BAIAP2: variants seen among roughly 807,000 people sequenced by gnomAD.
BAIAP2 encodes the protein BAR/IMD domain-containing adapter protein 2.
In BAIAP2, 18 loss-of-function variants were observed where a neutral mutation model predicts 63.0. That is an observed-to-expected ratio of 0.29 (90% CI 0.20 to 0.42). The LOEUF is 0.42. Among genes scored for constraint, BAIAP2 ranks in the 10% least tolerant of loss-of-function variants. The pLI is 1.00. For missense variants in BAIAP2, 610 were observed against 734.3 expected (o/e 0.83, Z 1.96); for synonymous variants, 386 against 307.6 (o/e 1.25, Z -2.67).
intron 5 of BAIAP2, among the ~76,000 whole-genome samples, 160 bp downstream of exon 5, chr17:81,085,885 C>T (rs2055529703): frequency 6.6e-6 from 1 of 152,228 alleles, no homozygotes; most frequent in Non-Finnish European, 1.5e-5. Context: ...GGACCGAGTG[C>T]CCCTGGTGTG....
At chr17:81,098,424 T>G (rs1009642582) in intron 6 of BAIAP2, among the ~76,000 whole-genome samples, 14 of 152,154 alleles carry the variant, frequency 9.2e-5, no homozygotes, top group Admixed American at 9.2e-4. Flanking sequence ...TTTAAAGTTT[T>G]TTTTTTTTAA....
chr17:81,066,359 G>A (rs2076343833), intron 3 of BAIAP2, among the ~76,000 whole-genome samples: 2 of 152,248 alleles, frequency 1.3e-5, no homozygotes, highest in Admixed American at 1.3e-4. Flanking sequence ...GTCCCTGCCT[G>A]AAACTGTGGG....
chr17:81,078,733 C>T (rs914272996), intron 3 of BAIAP2, among the ~76,000 whole-genome samples: 3 of 151,908 alleles, frequency 2.0e-5, no homozygotes, highest in Admixed American at 6.6e-5. Flanking sequence ...GGGAGCTGGG[C>T]GTCTGCCTTC....
rs1418641462 is a variant in BAIAP2, at chr17:81,116,525, C to T, written c.*686C>T. The T allele has an allele frequency of 3.5e-5, 22 of 625,346 alleles. 1 individual carries two copies. In the East Asian group the frequency reaches 4.6e-4, roughly 13 times the overall value. The allele number at this position is 625,346 out of a possible 1,614,324, so 38.7% of individuals were successfully genotyped here. On this transcript the variant is annotated 3_prime_UTR_variant, in exon 14 of 14. Transcript: ENST00000428708. ...ACCTTGCTGCCAGGGCCTCCCAGCT[C>T]GCTCCTGCGGCCAAAGGCCAGCTGT...
At chr17:81,050,764 CATGTGTGTATGCACACATGG>C (rs1393767484) in intron 1 of BAIAP2, among the ~76,000 whole-genome samples, 6 of 150,154 alleles carry the variant, frequency 4.0e-5, no homozygotes, top group Non-Finnish European at 7.4e-5. Flanking sequence ...TGCACACATG[CATGTGTGTATGCACACATGG>C]GCACAGATGT....
At chr17:81,110,796 C>T (rs2059833633) in intron 13 of BAIAP2, 2 of 1,381,850 alleles carry the variant, frequency 1.4e-6, no homozygotes, top group South Asian at 2.3e-5. Context: ...TGTGTGCCGA[C>T]TCCGAGTGCT....
chr17:81,079,024 G>A (rs2054168408), intron 3 of BAIAP2, among the ~76,000 whole-genome samples: 2 of 152,130 alleles, frequency 1.3e-5, no homozygotes, highest in South Asian at 2.1e-4. Flanking sequence ...GGGTCTCACC[G>A]ATCTCTGCTG....
intron 7 of BAIAP2, among the ~76,000 whole-genome samples, chr17:81,100,508 A>C (rs921061422): frequency 1.3e-4 from 20 of 151,922 alleles, no homozygotes; most frequent in Non-Finnish European, 2.1e-4. Context: ...CCCTCTATCC[A>C]CAGTCCTGGG....
intron 6 of BAIAP2, among the ~76,000 whole-genome samples, chr17:81,091,669 C>T (rs2056796323): frequency 6.6e-6 from 1 of 152,198 alleles, no homozygotes; most frequent in African/African-American, 2.4e-5. Flanking sequence ...CCTGGGGCTG[C>T]TTTCTTGAGC....
intron 10 of BAIAP2, chr17:81,105,183 C>T (rs1293000746): frequency 1.2e-5 from 2 of 170,254 alleles, no homozygotes; most frequent in Non-Finnish European, 2.6e-5. Context: ...AGGGGTCTCC[C>T]CCCAATGGCT....
intron 6 of BAIAP2, among the ~76,000 whole-genome samples, chr17:81,093,013 G>T (rs2057039045): frequency 6.6e-6 from 1 of 152,090 alleles, no homozygotes; most frequent in African/African-American, 2.4e-5. Context: ...GGGCCCGGGG[G>T]ACGTGTCCAC....
chr17:81,094,989 C>G (rs1376968509), intron 6 of BAIAP2, among the ~76,000 whole-genome samples: 2 of 152,264 alleles, frequency 1.3e-5, no homozygotes, highest in African/African-American at 2.4e-5. Flanking sequence ...GCCCCTCCCC[C>G]ACTCTGAGTC....
intron 6 of BAIAP2, among the ~76,000 whole-genome samples, chr17:81,087,269 C>CT (rs2055840691): frequency 6.6e-6 from 1 of 152,234 alleles, no homozygotes; most frequent in African/African-American, 2.4e-5. Context: ...GGGCTGCACC[C>CT]TGGGGTGGGC....
chr17:81,110,823 C>A, intron 13 of BAIAP2: 1 of 1,531,998 alleles, frequency 6.5e-7, no homozygotes, highest in Non-Finnish European at 9.0e-7. Context: ...TTCTAGGTCT[C>A]CTGGCAGCTC....
chr17:81,081,660 T>C (rs948866216), intron 3 of BAIAP2, among the ~76,000 whole-genome samples: 2 of 152,178 alleles, frequency 1.3e-5, no homozygotes, highest in African/African-American at 4.8e-5. Context: ...CTAGGTCGAG[T>C]GAGCCTGGGG....
chr17:81,051,627 C>T (rs1375362712), intron 1 of BAIAP2, among the ~76,000 whole-genome samples: 3 of 152,112 alleles, frequency 2.0e-5, no homozygotes, highest in Non-Finnish European at 4.4e-5. Context: ...CATCTGACCT[C>T]GTGATCCGCC....
chr17:81,055,991 G>A (rs1471587465), intron 2 of BAIAP2, among the ~76,000 whole-genome samples: 6 of 152,128 alleles, frequency 3.9e-5, no homozygotes, highest in Non-Finnish European at 4.4e-5. Flanking sequence ...TCTGAGGGTC[G>A]GCGTGGCCTC....
At chr17:81,099,743 C>T (rs1264648682) in intron 6 of BAIAP2, among the ~76,000 whole-genome samples, 185 bp from the exon 7 acceptor site, 1 of 152,146 alleles carries the variant, frequency 6.6e-6, no homozygotes, top group Admixed American at 6.5e-5. Context: ...CCTGAGTGGT[C>T]CCGGGGTAGC....
intron 13 of BAIAP2, among the ~76,000 whole-genome samples, chr17:81,111,195 G>A (rs1319154816): frequency 6.6e-6 from 1 of 152,238 alleles, no homozygotes; most frequent in South Asian, 2.1e-4. Context: ...GCTGTGCCCG[G>A]GGCTCCTCTC....
Sources: allele counts gnomAD v4.1 joint callset (sites outside exome capture counted in the v4.1 genomes callset), GRCh38; gene constraint gnomAD v4.1.1; transcripts MANE v1.5; gene names NCBI Gene and HGNC (gene_info 2026-07-23, HGNC 2026-07-21).